Variants in SEC24A observed in about 807,000 individuals in gnomAD.
The protein encoded by SEC24A is protein transport protein Sec24A.
SEC24A carries 93 observed loss-of-function variants against 129.4 expected under a neutral mutation model. The observed-to-expected ratio is 0.72, with a 90% CI of 0.61 to 0.85. SEC24A has a LOEUF of 0.85. SEC24A is among the 40% of genes least tolerant of loss of function. The probability of loss-of-function intolerance (pLI) is 0.00; values close to 1 mark genes in which losing one functional copy is unlikely to be tolerated. For synonymous variants in SEC24A, 460 were observed against 467.3 expected (o/e 0.98, Z 0.20); for missense variants, 1,264 against 1,307.4 (o/e 0.97, Z 0.51).
At chr5:134,659,138 G>C (rs954716164) in intron 1 of SEC24A, among the ~76,000 whole-genome samples, 40 of 151,284 alleles carry the variant, frequency 2.6e-4, no homozygotes, top group Non-Finnish European at 4.7e-4. Context: ...GTGGCGCGAT[G>C]TTGGCTCACT....
chr5:134,726,855 A>C lies in SEC24A; in HGVS notation c.*1761A>C, dbSNP rs538222253. The C allele has an allele frequency of 6.6e-6, 1 of 152,138 alleles. No individual in the cohort carries two copies. The highest frequency in any genetic ancestry group is 1.5e-5 in the Non-Finnish European group (1 of 67,978). 9.4% of individuals were successfully genotyped at this position (152,138 alleles called of 1,614,324 possible). On this transcript the variant is annotated 3_prime_UTR_variant, in exon 23 of 23. Transcript: ENST00000398844. ...AGTAAAGAATCTTCTAGAGGGAAAC[A>C]TTTGTGCTTTTAGGGATAATCTTCC...
chr5:134,718,475 A>G (rs1752541162), intron 20 of SEC24A, among the ~76,000 whole-genome samples: 1 of 151,686 alleles, frequency 6.6e-6, no homozygotes, highest in Non-Finnish European at 1.5e-5. Context: ...CGGGTCCTTG[A>G]GGAGGTATTC....
chr5:134,668,689 G>A (rs1352200402), intron 3 of SEC24A, among the ~76,000 whole-genome samples: 8 of 151,760 alleles, frequency 5.3e-5, no homozygotes, highest in African/African-American at 1.5e-4. Context: ...TGGCATGATC[G>A]CACTCCAGCC....
intron 9 of SEC24A, among the ~76,000 whole-genome samples, chr5:134,684,298 A>C (rs1751374773): frequency 7.0e-6 from 1 of 143,242 alleles, no homozygotes; most frequent in Admixed American, 6.8e-5. Context: ...GCGAAACTCC[A>C]TCTCAAAAAA....
At chr5:134,657,172 T>G (rs2150069139) in intron 1 of SEC24A, among the ~76,000 whole-genome samples, 1 of 146,302 alleles carries the variant, frequency 6.8e-6, no homozygotes, top group East Asian at 2.0e-4. Context: ...AGACCTCATT[T>G]CTGAAAAACG....
chr5:134,717,949 A>C (rs780808769), intron 19 of SEC24A, 120 bp from the exon 20 acceptor site: 139 of 651,190 alleles, frequency 2.1e-4, no homozygotes, highest in Middle Eastern at 1.1e-3. Context: ...AATAATTGTG[A>C]TTTACCTAAG....
At position 134,666,836 on chromosome 5, in the gene SEC24A, T is replaced by A. The variant is rs199564908; in HGVS notation, c.579T>A (p.Pro193=). ...ATGTTTCCATAGGTCCTTCTGTACCTCCCTTAGTGAATCCACCTCTGCCTA... is the reference window on the plus strand; with the variant it reads ...ATGTTTCCATAGGTCCTTCTGTACCACCCTTAGTGAATCCACCTCTGCCTA... ...NSFIKSGPSV[P]PLVNPPLPTT... The change falls in exon 3 of 23, where the codon CCT becomes CCA. Residue 193 remains proline, a synonymous_variant. Transcript: ENST00000398844. 3.1e-6 allele frequency: 5 copies of A among 1,614,018 alleles called. No individual in the cohort carries two copies. Among genetic ancestry groups the A allele is most frequent in the Admixed American group, 1.7e-5 (1 of 59,982 alleles).
At chr5:134,673,678 C>G (rs1750954539) in intron 4 of SEC24A, among the ~76,000 whole-genome samples, 1 of 150,902 alleles carries the variant, frequency 6.6e-6, no homozygotes, top group African/African-American at 2.4e-5. Flanking sequence ...AGGCTGGTCT[C>G]CAACTCCTGA....
intron 15 of SEC24A, among the ~76,000 whole-genome samples, chr5:134,702,464 C>T (rs1450851803): frequency 6.6e-6 from 1 of 152,186 alleles, no homozygotes; most frequent in Admixed American, 6.5e-5. Context: ...CATACACTTT[C>T]ACTTCATTTT....
At chr5:134,667,668 A>AG (rs964376957) in intron 3 of SEC24A, among the ~76,000 whole-genome samples, 11 of 150,290 alleles carry the variant, frequency 7.3e-5, no homozygotes, top group African/African-American at 2.4e-4. Flanking sequence ...AAAAAAAAAA[A>AG]CAAAAAAAAA....
At chr5:134,667,682 A>C (rs965728239) in intron 3 of SEC24A, among the ~76,000 whole-genome samples, 7 of 151,642 alleles carry the variant, frequency 4.6e-5, no homozygotes, top group South Asian at 4.2e-4. Flanking sequence ...AAAAAAAAAA[A>C]CAAGATATAT....
intron 1 of SEC24A, among the ~76,000 whole-genome samples, chr5:134,653,806 A>T (rs1750146818): frequency 6.6e-6 from 1 of 152,018 alleles, no homozygotes; most frequent in Admixed American, 6.6e-5. Flanking sequence ...GACTGCAGTG[A>T]GCTACAATTG....
intron 6 of SEC24A, among the ~76,000 whole-genome samples, 169 bp downstream of exon 6, chr5:134,675,386 T>C (rs1361513482): frequency 6.6e-6 from 1 of 152,182 alleles, no homozygotes; most frequent in Non-Finnish European, 1.5e-5. Context: ...TGAAAAGTCC[T>C]ACGTCAAGAA....
chr5:134,664,327 T>G (rs1750579021), intron 2 of SEC24A, among the ~76,000 whole-genome samples: 2 of 152,132 alleles, frequency 1.3e-5, no homozygotes, highest in Non-Finnish European at 2.9e-5. Context: ...AAGTTTTTAG[T>G]TCATATATTA....
In SEC24A at chr5:134,649,532, G is replaced by T. The variant is rs183542718; in HGVS notation, c.97+359G>T. 4.3e-3 allele frequency among the ~76,000 whole-genome samples: 650 copies of T among 152,236 alleles called. 4 individuals carry two copies. Among genetic ancestry groups the T allele is most frequent in the African/African-American group, 0.015 (618 of 41,532 alleles). ...ACCCCAGTCTCCTAGAGAGCAGGAT[G>T]TGGGGTCTGATTCTTCTGGGTTCCG... On this transcript the variant is annotated intron_variant, in intron 1 of 22. Transcript: ENST00000398844.
At chr5:134,666,129 T>C (rs1390364676) in intron 2 of SEC24A, among the ~76,000 whole-genome samples, 1 of 151,986 alleles carries the variant, frequency 6.6e-6, no homozygotes, top group Non-Finnish European at 1.5e-5. Context: ...TCTATTTTAT[T>C]AAGATTTAAA....
At chr5:134,660,175 A>G (rs1000905701) in intron 1 of SEC24A, among the ~76,000 whole-genome samples, 5 of 151,286 alleles carry the variant, frequency 3.3e-5, no homozygotes, top group Non-Finnish European at 4.4e-5. Context: ...CAGCCTGGGC[A>G]ACATAGTGAG....
Position 134,661,432 on chromosome 5 carries a change from T to A in SEC24A, c.411T>A (p.Asn137Lys). ...AAGCCAACCTGCCACCACCTTTGAA[T>A]TGGCAATATAACTATCCATCCACAG... Reference protein sequence around the residue: ...LPEANLPPPLNWQYNYPSTAS... With the variant: ...LPEANLPPPLKWQYNYPSTAS... The change falls in exon 2 of 23, where the codon AAT becomes AAA. Residue 137 changes from asparagine (N) to lysine (K), a missense_variant. By Grantham distance (94) the Asn-to-Lys change is moderately conservative. Coordinates refer to ENST00000398844, the MANE Select transcript of SEC24A (RefSeq NM_021982.3). 6.2e-7 allele frequency: 1 copy of A among 1,614,182 alleles called. No homozygotes were observed.
chr5:134,653,289 A>G (rs1561798190), intron 1 of SEC24A, among the ~76,000 whole-genome samples: 3 of 151,960 alleles, frequency 2.0e-5, no homozygotes, highest in Non-Finnish European at 4.4e-5. Flanking sequence ...TTGCTCTGTC[A>G]CCCAAGTTGA....
Sources: allele counts gnomAD v4.1 joint callset (sites outside exome capture counted in the v4.1 genomes callset), GRCh38; gene constraint gnomAD v4.1.1; transcripts MANE v1.5; gene names NCBI Gene and HGNC (gene_info 2026-07-23, HGNC 2026-07-21).